Variants in RELN observed in about 807,000 individuals in gnomAD.
RELN encodes the protein reelin.
In RELN, 108 loss-of-function variants were observed where a neutral mutation model predicts 427.6. The ratio of observed to expected loss-of-function variants is 0.25; its 90% CI spans 0.22 to 0.30. RELN has a LOEUF of 0.30. Among genes scored for constraint, RELN ranks in the 10% least tolerant of loss-of-function variants. The pLI, the probability that RELN is intolerant of heterozygous loss-of-function variation, is 1.00. For synonymous variants in RELN, 1,524 were observed against 1,513.4 expected (o/e 1.01, Z -0.16); for missense variants, 3,715 against 4,302.8 (o/e 0.86, Z 3.82).
intron 60 of RELN, among the ~76,000 whole-genome samples, chr7:103,487,770 C>G (rs1024548611): frequency 6.6e-6 from 1 of 152,164 alleles, no homozygotes; most frequent in African/African-American, 2.4e-5. Flanking sequence ...TTAATGTACA[C>G]TTGATGATTC....
At chr7:103,740,228 G>T (rs527306959) in intron 6 of RELN, among the ~76,000 whole-genome samples, 1 of 152,180 alleles carries the variant, frequency 6.6e-6, no homozygotes, top group Non-Finnish European at 1.5e-5. Context: ...AATTAGGTTG[G>T]GTTATGGAAG....
intron 9 of RELN, among the ~76,000 whole-genome samples, chr7:103,698,362 GTA>G (rs1834022257): frequency 6.6e-6 from 1 of 152,098 alleles, no homozygotes; most frequent in Non-Finnish European, 1.5e-5. Context: ...AAATAAGTCA[GTA>G]AAGGAAAAAT....
At chr7:103,597,203 G>C (rs530751134) in intron 24 of RELN, among the ~76,000 whole-genome samples, 1 of 152,166 alleles carries the variant, frequency 6.6e-6, no homozygotes, top group African/African-American at 2.4e-5. Context: ...CTAGTACACA[G>C]CATGCCTTCC....
At chr7:103,963,244 T>A (rs1247744287) in intron 1 of RELN, among the ~76,000 whole-genome samples, 1 of 151,456 alleles carries the variant, frequency 6.6e-6, no homozygotes, top group African/African-American at 2.4e-5. Flanking sequence ...CCACTTGCAA[T>A]CATAAGACAA....
At chr7:103,845,141 A>G (rs1255215861) in intron 2 of RELN, among the ~76,000 whole-genome samples, 1 of 129,000 alleles carries the variant, frequency 7.8e-6, no homozygotes, top group East Asian at 2.0e-4. Flanking sequence ...TTTTATCAAA[A>G]AAAAATTTTT....
At chr7:103,874,222 T>C (rs1214348329) in intron 2 of RELN, among the ~76,000 whole-genome samples, 2 of 117,140 alleles carry the variant, frequency 1.7e-5, no homozygotes, top group South Asian at 4.4e-4. Context: ...TAATAAGAGC[T>C]ATCTATGACA....
chr7:103,822,490 C>T (rs1793038520), intron 3 of RELN, among the ~76,000 whole-genome samples: 1 of 151,990 alleles, frequency 6.6e-6, no homozygotes, highest in Non-Finnish European at 1.5e-5. Context: ...CTAGCTGTCA[C>T]CAGCACATGC....
At chr7:103,687,656 T>C (rs903185737) in intron 10 of RELN, among the ~76,000 whole-genome samples, 1 of 152,102 alleles carries the variant, frequency 6.6e-6, no homozygotes, top group African/African-American at 2.4e-5. Context: ...GGTACAAAGA[T>C]GATAGAAACT....
rs567088244 is a variant in RELN at position 103,505,279 on chromosome 7, C to G, written c.8275-2049G>C. ...CCCTGTGTATCCTGATTGGGAGACA[C>G]CTCCCAGTAGGGGCCGACAGACACC... is the stretch of plus-strand genomic sequence containing the variant. On this transcript the variant is annotated intron_variant, in intron 51 of 64. Transcript: ENST00000428762. 2.0e-5 allele frequency among the ~76,000 whole-genome samples: 3 copies of G among 152,280 alleles called. No homozygotes were observed. The South Asian group carries it at 6.2e-4, about 32-fold the overall frequency.
At chr7:103,512,939 T>C (rs1255046404) in intron 50 of RELN, 1 of 152,198 alleles carries the variant, frequency 6.6e-6, no homozygotes, top group Non-Finnish European at 1.5e-5. Context: ...TTGTGTCTTT[T>C]TGATTTTGTC....
At chr7:103,496,419 A>G (rs1317849749) in intron 56 of RELN, 107 bp downstream of exon 56, 9 of 1,440,724 alleles carry the variant, frequency 6.2e-6, no homozygotes, top group Non-Finnish European at 8.8e-6. Flanking sequence ...GAGCAGGAGT[A>G]TGGGCTAGGC....
chr7:103,829,556 G>T lies in RELN; in HGVS notation c.473+3981C>A, dbSNP rs969856133. 2.8e-4 allele frequency among the ~76,000 whole-genome samples: 43 copies of T among 151,878 alleles called. 1 individual carries two copies. Among genetic ancestry groups the T allele is most frequent in the Admixed American group, 2.8e-3 (42 of 15,214 alleles). ...ACTTAAAATATAAATTTTATCAAGA[G>T]GTGTCATAAAAGTAATGATAAAATA... On this transcript the variant is annotated intron_variant, in intron 3 of 64. Transcript: ENST00000428762.
rs137871192 is a variant in RELN at position 103,691,044 on chromosome 7, G to C, written c.1143+6809C>G. ...CAGCTTTCCAACCCCAATTCAAAAAGCACAACAAATATAAGGCCAGGTTCT... is the reference window on the plus strand; with the variant it reads ...CAGCTTTCCAACCCCAATTCAAAAACCACAACAAATATAAGGCCAGGTTCT... On this transcript the variant is annotated intron_variant, in intron 10 of 64. Transcript: ENST00000428762. Among the ~76,000 whole-genome samples the C allele has an allele frequency of 3.4e-4, 52 of 152,128 alleles. No individual in the cohort carries two copies. The East Asian group carries it at 7.9e-3, about 23-fold the overall frequency.
At chr7:103,856,396 T>C (rs1584301900) in intron 2 of RELN, among the ~76,000 whole-genome samples, 1 of 151,198 alleles carries the variant, frequency 6.6e-6, no homozygotes, top group Admixed American at 6.6e-5. Context: ...ATGGTGAAAC[T>C]CCATCCCTAC....
chr7:103,958,126 G>A (rs1184194143), intron 1 of RELN, among the ~76,000 whole-genome samples: 1 of 152,180 alleles, frequency 6.6e-6, no homozygotes, highest in Non-Finnish European at 1.5e-5. Flanking sequence ...ACTAAAGCAG[G>A]ATGGTGCACA....
chr7:103,701,074 T>A (rs919501327), intron 8 of RELN, 68 bp from the exon 9 acceptor site: 2 of 903,910 alleles, frequency 2.2e-6, no homozygotes, highest in African/African-American at 3.3e-5. Flanking sequence ...TCTTTTCTGA[T>A]AAATATTTTA....
At position 103,563,745 on chromosome 7, in the gene RELN, A is replaced by G. The variant is rs1331690749; in HGVS notation, c.5210+1533T>C. ...GCTCTGTTTATCGGAAGTGCCCTAT[A>G]CAAGTGTACCATTTAAAAATCTTTT... On this transcript the variant is annotated intron_variant, in intron 34 of 64. Coordinates refer to ENST00000428762, the MANE Select transcript of RELN (RefSeq NM_005045.4). The surrounding 1 kb of genome is among the most constrained non-coding windows in gnomAD (Gnocchi z 4.1). Among the ~76,000 whole-genome samples the G allele has an allele frequency of 2.0e-5, 3 of 152,326 alleles. No homozygotes were observed. In the East Asian group the frequency reaches 5.8e-4, roughly 29 times the overall value.
intron 3 of RELN, among the ~76,000 whole-genome samples, chr7:103,792,177 T>C (rs1792180578): frequency 6.6e-6 from 1 of 152,188 alleles, no homozygotes; most frequent in African/African-American, 2.4e-5. Flanking sequence ...ATGTTAAACA[T>C]TGAGTTACTG....
chr7:103,749,345 A>T, intron 6 of RELN, 81 bp downstream of exon 6: 1 of 1,084,550 alleles, frequency 9.2e-7, no homozygotes, highest in Non-Finnish European at 1.4e-6. Context: ...ACTTAATTTT[A>T]AGTAACTGCT....
Sources: allele counts gnomAD v4.1 joint callset (sites outside exome capture counted in the v4.1 genomes callset), GRCh38; gene constraint gnomAD v4.1.1; non-coding constraint Gnocchi (gnomAD v3.1); transcripts MANE v1.5; gene names NCBI Gene and HGNC (gene_info 2026-07-23, HGNC 2026-07-21).